Variants in ROBO3 observed in about 807,000 individuals in gnomAD.
ROBO3 encodes the protein roundabout guidance receptor 3, also known as roundabout homolog 3.
ROBO3 carries 97 observed loss-of-function variants against 160.5 expected under a neutral mutation model. The ratio of observed to expected loss-of-function variants is 0.60; its 90% CI spans 0.51 to 0.72. The LOEUF is 0.72. ROBO3 is among the 30% of genes least tolerant of loss of function. The probability of loss-of-function intolerance (pLI) is 0.00; values close to 1 mark genes in which losing one functional copy is unlikely to be tolerated. For synonymous variants in ROBO3, 780 were observed against 746.2 expected (o/e 1.05, Z -0.74); for missense variants, 1,858 against 1,846.5 (o/e 1.01, Z -0.11).
At chr11:124,875,088 G>A (rs1946334981) in intron 13 of ROBO3, 23 bp from the exon 14 acceptor site, 1 of 1,572,612 alleles carries the variant, frequency 6.4e-7, no homozygotes, top group Non-Finnish European at 8.6e-7. Flanking sequence ...CCCTTCTGGT[G>A]TGCCTTGTCC....
rs1946535121 is a variant in ROBO3 at position 124,880,073 on chromosome 11, A to G, written c.3958+125A>G. ...TAGGTTCATGCATTTGATCCACATC[A>G]AACTCCCCTGTCTCTCTAACTCTCT... On this transcript the variant is annotated intron_variant, in intron 26 of 27. Coordinates refer to ENST00000397801, the MANE Select transcript of ROBO3 (RefSeq NM_022370.4). 2.0e-6 allele frequency: 2 copies of G among 979,286 alleles called. 1 individual carries two copies. Among genetic ancestry groups the G allele is most frequent in the African/African-American group, 3.3e-5 (2 of 60,972 alleles). 60.7% of individuals were successfully genotyped at this position (979,286 alleles called of 1,614,324 possible).
intron 17 of ROBO3, 111 bp from the exon 18 acceptor site, chr11:124,877,050 G>A: frequency 8.3e-7 from 1 of 1,208,324 alleles, no homozygotes. Flanking sequence ...CCAGGGTGCA[G>A]CCTGAGTGGT....
chr11:124,878,679 G>T lies in ROBO3; in HGVS notation c.3416G>T (p.Arg1139Met). 6.2e-7 allele frequency: 1 copy of T among 1,613,598 alleles called. No homozygotes were observed. The highest frequency in any genetic ancestry group is 8.5e-7 in the Non-Finnish European group (1 of 1,179,760). The change falls in exon 23 of 28, where the codon AGG becomes ATG. Residue 1139 changes from arginine to methionine, a missense_variant. Transcript: ENST00000397801. This position sits in a 1 kb window ranked among gnomAD's most constrained non-coding sequence, Gnocchi z 4.3. Reference protein sequence around the residue: ...SGGCLVTPSRRETPSPTPSYG... With the variant: ...SGGCLVTPSRMETPSPTPSYG... ...GGGTGCCTGGTCACCCCATCCCGAA[G>T]GGAAACCCCCTCTCCCACACCTTCC...
rs1339398296 is a variant in ROBO3 at position 124,865,936 on chromosome 11, G to A, written c.160+199G>A. The stretch of plus-strand genomic sequence containing the variant: ...TGGGGGTACCCGCGGGAGGTCGAGG[G>A]CTTGGGAGAAGATGGCTACTGAGTC... On this transcript the variant is annotated intron_variant, in intron 1 of 27. Coordinates refer to ENST00000397801, the MANE Select transcript of ROBO3 (RefSeq NM_022370.4). This position sits in a 1 kb window ranked among gnomAD's most constrained non-coding sequence, Gnocchi z 5.5. 6.6e-6 allele frequency among the ~76,000 whole-genome samples: 1 copy of A among 152,220 alleles called. No homozygotes were observed. The highest frequency in any genetic ancestry group is 1.5e-5 in the Non-Finnish European group (1 of 68,040).
chr11:124,865,768 C>T lies in ROBO3; in HGVS notation c.160+31C>T, dbSNP rs1004998733. ...ACCCTGCCTCTTGGGGATATGGGATCCTGGGATGGGGATGAGGTGAGAGGG... is the reference window on the plus strand; with the variant it reads ...ACCCTGCCTCTTGGGGATATGGGATTCTGGGATGGGGATGAGGTGAGAGGG... On this transcript the variant is annotated intron_variant, in intron 1 of 27. Transcript: ENST00000397801. This position sits in a 1 kb window ranked among gnomAD's most constrained non-coding sequence, Gnocchi z 5.5. The T allele has an allele frequency of 1.5e-5, 24 of 1,578,698 alleles. No individual in the cohort carries two copies. Among genetic ancestry groups the T allele is most frequent in the Non-Finnish European group, 2.1e-5 (24 of 1,163,076 alleles).
At position 124,879,968 on chromosome 11, in the gene ROBO3, G is replaced by T. The variant is rs770603746; in HGVS notation, c.3958+20G>T. The T allele has an allele frequency of 7.1e-5, 110 of 1,542,250 alleles. No homozygotes were observed. Among genetic ancestry groups the T allele is most frequent in the Non-Finnish European group, 8.9e-5 (102 of 1,141,948 alleles). ...CAGATGGTAAGCAGGGCCAGGGCAG[G>T]CAGGAGGGCTGCTGCCACAGGAGAC... On this transcript the variant is annotated intron_variant, in intron 26 of 27. Transcript: ENST00000397801.
rs1202012114 is a variant in ROBO3, at chr11:124,873,741, C to G, written c.1663C>G (p.Pro555Ala). 1 of 1,613,910 alleles carries G rather than the reference C, an allele frequency of 6.2e-7. No individual in the cohort carries two copies. Among genetic ancestry groups the G allele is most frequent in the Admixed American group, 1.7e-5 (1 of 60,026 alleles). Reference sequence around the variant, plus strand: ...AGACCCCCCTACAGAACCCAGTTCCCCTCCGGGGGCTCCCTCTCAGCCAGT... The same window carrying G: ...AGACCCCCCTACAGAACCCAGTTCCGCTCCGGGGGCTCCCTCTCAGCCAGT... ...SPDPPTEPSS[P>A]PGAPSQPVVT... The change falls in exon 11 of 28, where the codon CCT (proline) becomes GCT (alanine). Residue 555 changes from proline (P) to alanine (A), a missense_variant. Transcript: ENST00000397801. The surrounding 1 kb of genome is among the most constrained non-coding windows in gnomAD (Gnocchi z 4.5).
In ROBO3 at chr11:124,876,655, C is replaced by T; in HGVS notation, c.2779+195C>T. The T allele has an allele frequency of 4.0e-6, 2 of 498,774 alleles. No homozygotes were observed. Among genetic ancestry groups the T allele is most frequent in the Non-Finnish European group, 6.8e-6 (2 of 293,844 alleles). 30.9% of individuals were successfully genotyped at this position (498,774 alleles called of 1,614,324 possible). On this transcript the variant is annotated intron_variant, in intron 17 of 27. Coordinates refer to ENST00000397801, the MANE Select transcript of ROBO3 (RefSeq NM_022370.4). The surrounding 1 kb of genome is among the most constrained non-coding windows in gnomAD (Gnocchi z 5.3). ...GCCAGGACTAGGGAGGGCTGCGGGC[C>T]AAGACGGGGCGGGATCTGGATGACG...
At chr11:124,879,088 C>T in intron 23 of ROBO3, 102 bp from the exon 24 acceptor site, 1 of 1,343,228 alleles carries the variant, frequency 7.4e-7, no homozygotes, top group Non-Finnish European at 1.0e-6. Context: ...CGGGTTGTGT[C>T]TCGTTTATCT....
In ROBO3 at chr11:124,875,321, A is replaced by G; in HGVS notation, c.2284A>G (p.Ser762Gly). Residue 762 changes from serine to glycine, a missense_variant, in exon 14 of 28, where the codon AGC (serine) becomes GGC (glycine). Physicochemically the swap from Ser to Gly is moderately conservative, Grantham distance 56. Coordinates refer to ENST00000397801, the MANE Select transcript of ROBO3 (RefSeq NM_022370.4). ...LGAESLSVTR[S>G]IPEEAPSGPP... ...GGCTGAAAGCCTCTCTGTGACCAGG[A>G]GCATTCCTGAGGAGGGTAAGGAGGG... The G allele has an allele frequency of 6.3e-7, 1 of 1,577,818 alleles. No individual in the cohort carries two copies. Among genetic ancestry groups the G allele is most frequent in the Non-Finnish European group, 8.6e-7 (1 of 1,159,500 alleles).
chr11:124,870,848 T>C, intron 6 of ROBO3, 120 bp downstream of exon 6: 1 of 1,526,676 alleles, frequency 6.6e-7, no homozygotes, highest in South Asian at 1.2e-5. Flanking sequence ...CACCTGAGAC[T>C]TCTGCAAGGA....
In ROBO3 at chr11:124,876,215, A is replaced by G. The variant is rs2135335649; in HGVS notation, c.2594-60A>G. ...AGCTGTGCCTGCCGGGTCGGGAATG[A>G]CCCTTTCCCAGTTCCAGGGTTTCGG... On this transcript the variant is annotated intron_variant, in intron 16 of 27. Transcript: ENST00000397801. This position sits in a 1 kb window ranked among gnomAD's most constrained non-coding sequence, Gnocchi z 5.3. 6.7e-7 allele frequency: 1 copy of G among 1,503,054 alleles called. No homozygotes were observed. The highest frequency in any genetic ancestry group is 8.8e-7 in the Non-Finnish European group (1 of 1,133,844). The allele number at this position is 1,503,054 out of a possible 1,614,324, so 93.1% of individuals were successfully genotyped here. A position where few individuals can be genotyped will look rare whatever the true frequency, so the allele number is the denominator to read the frequency against.
Position 124,880,591 on chromosome 11 carries a change from G to C in ROBO3, c.4132G>C (p.Gly1378Arg), listed in dbSNP as rs550979973. The C allele has an allele frequency of 1.3e-4, 206 of 1,547,874 alleles. 1 individual carries two copies. Among genetic ancestry groups the C allele is most frequent in the African/African-American group, 1.9e-4 (14 of 72,902 alleles). The part of the protein sequence containing the change: ...SQSRSQSQRP[G>R]QKRREEPR ...GAGCCGGAGCCAGAGCCAAAGGCCAGGACAGAAACGCCGAGAGGTAGGGGC... is the reference window on the plus strand; with the variant it reads ...GAGCCGGAGCCAGAGCCAAAGGCCACGACAGAAACGCCGAGAGGTAGGGGC... Residue 1378 changes from glycine to arginine, a missense_variant, in exon 27 of 28, where the codon GGA (glycine) becomes CGA (arginine). Physicochemically the swap from Gly to Arg is moderately radical, Grantham distance 125. Transcript: ENST00000397801.
Position 124,869,482 on chromosome 11 carries a change from A to T in ROBO3, c.520A>T (p.Asn174Tyr). 1.3e-6 allele frequency: 2 copies of T among 1,502,632 alleles called. No homozygotes were observed. The highest frequency in any genetic ancestry group is 1.8e-6 in the Non-Finnish European group (2 of 1,114,626). 93.1% of individuals were successfully genotyped at this position (1,502,632 alleles called of 1,614,324 possible). The stretch of plus-strand genomic sequence containing the variant: ...TGATGATTTCCGGCAGTCTCCTGGA[A>T]ACGTGGTGGTGGCAGTGGGGGAGCC... Reference protein sequence around the residue: ...LRDDFRQSPGNVVVAVGEPAV... With the variant: ...LRDDFRQSPGYVVVAVGEPAV... The change falls in exon 3 of 28, where the codon AAC becomes TAC. Residue 174 changes from asparagine to tyrosine, a missense_variant. Transcript: ENST00000397801. This position sits in a 1 kb window ranked among gnomAD's most constrained non-coding sequence, Gnocchi z 4.2.
Position 124,870,728 on chromosome 11 carries a change from G to A in ROBO3, c.1033G>A (p.Val345Ile). The part of the protein sequence containing the change: ...AEASGSLSVH[V>I]PPQLVTQPQD... ...AGCATCTGGCTCCCTCAGTGTTCACGGTGAGGGCTGTACTTGGGACTGCCT... is the reference window on the plus strand; with the variant it reads ...AGCATCTGGCTCCCTCAGTGTTCACAGTGAGGGCTGTACTTGGGACTGCCT... Residue 345 changes from valine (V) to isoleucine (I), a missense_variant and splice_region_variant, in exon 6 of 28, where the codon GTC (valine) becomes ATC (isoleucine). By Grantham distance (29) the Val-to-Ile change is conservative (BLOSUM62 3). Transcript: ENST00000397801. 10 of 1,610,372 alleles carry A rather than the reference G, an allele frequency of 6.2e-6. No homozygotes were observed. Among genetic ancestry groups the A allele is most frequent in the South Asian group, 1.1e-5 (1 of 90,102 alleles).
In ROBO3 at chr11:124,872,464, G is replaced by A. The variant is rs2135328826; in HGVS notation, c.1242G>A (p.Val414=). ...SPRGQLNITA[V]QRGDAGYYVC... ...GAGGCCAACTTAACATCACCGCGGT[G>A]CAGCGTGGGGATGCTGGGTACTACG... Residue 414 remains valine (V), a synonymous_variant, in exon 8 of 28, where the codon GTG becomes GTA. Transcript: ENST00000397801. This position sits in a 1 kb window ranked among gnomAD's most constrained non-coding sequence, Gnocchi z 4.3. 6.2e-7 allele frequency: 1 copy of A among 1,613,976 alleles called. No homozygotes were observed. Among genetic ancestry groups the A allele is most frequent in the Non-Finnish European group, 8.5e-7 (1 of 1,179,886 alleles).
chr11:124,876,454 T>C lies in ROBO3; in HGVS notation c.2773T>C (p.Tyr925His), dbSNP rs1946377260. Reference sequence around the variant, plus strand: ...GAAACAGCGCAAAGAGCTCAGCCACTACACGGGTGAGCTCCCGGCCTCGGA... The same window carrying C: ...GAAACAGCGCAAAGAGCTCAGCCACCACACGGGTGAGCTCCCGGCCTCGGA... ...RRKQRKELSH[Y>H]TASFAYTPAV... The change falls in exon 17 of 28, where the codon TAC becomes CAC. Residue 925 changes from tyrosine (Y) to histidine (H), a missense_variant. Transcript: ENST00000397801. This position sits in a 1 kb window ranked among gnomAD's most constrained non-coding sequence, Gnocchi z 5.3. 1 of 1,414,442 alleles carries C rather than the reference T, an allele frequency of 7.1e-7. No homozygotes were observed. Among genetic ancestry groups the C allele is most frequent in the African/African-American group, 1.5e-5 (1 of 66,608 alleles). The allele number at this position is 1,414,442 out of a possible 1,614,324, so 87.6% of individuals were successfully genotyped here.
rs1383298514 is a variant in ROBO3 at position 124,873,323 on chromosome 11, G to C, written c.1550G>C (p.Gly517Ala). 2 of 1,610,462 alleles carry C rather than the reference G, an allele frequency of 1.2e-6. No individual in the cohort carries two copies. The highest frequency in any genetic ancestry group is 1.7e-6 in the Non-Finnish European group (2 of 1,178,540). ...CCTCTCTTCCAGGAGATGGACATGG[G>C]CTTCTACAGCTGCGTGGCCAAGAGT... is the stretch of plus-strand genomic sequence containing the variant. ...YIANVQEMDM[G>A]FYSCVAKSST... is the part of the protein sequence containing the mutation. The change falls in exon 10 of 28, where the codon GGC becomes GCC. Residue 517 changes from glycine (G) to alanine (A), a missense_variant. Physicochemically the swap from Gly to Ala is moderately conservative, Grantham distance 60. Transcript: ENST00000397801. The surrounding 1 kb of genome is among the most constrained non-coding windows in gnomAD (Gnocchi z 4.5).
rs1257386789 is a variant in ROBO3, at chr11:124,865,651, A to T, written c.74A>T (p.Asn25Ile). Residue 25 changes from asparagine (N) to isoleucine (I), a missense_variant, in exon 1 of 28, where the codon AAC becomes ATC. Asn to Ile is a moderately radical substitution (Grantham distance 149). Transcript: ENST00000397801. This position sits in a 1 kb window ranked among gnomAD's most constrained non-coding sequence, Gnocchi z 5.5. ...FADSLAGDIS[N>I]SSELLLGFNS... ...GACTCTCTGGCCGGGGACATCTCCA[A>T]CTCCAGCGAGCTGCTCTTGGGCTTC... 2 of 1,612,644 alleles carry T rather than the reference A, an allele frequency of 1.2e-6. No individual in the cohort carries two copies. Among genetic ancestry groups the T allele is most frequent in the South Asian group, 1.1e-5 (1 of 90,782 alleles).
Sources: gnomAD v4.1 joint callset for allele counts (sites outside exome capture counted in the v4.1 genomes callset) on GRCh38, gnomAD v4.1.1 for gene constraint, Gnocchi (gnomAD v3.1) non-coding constraint, MANE v1.5 for transcripts, NCBI Gene and HGNC (gene_info 2026-07-23, HGNC 2026-07-21) for gene names.